ZHX2: variants seen among roughly 807,000 people sequenced by gnomAD.
ZHX2 encodes zinc fingers and homeoboxes 2.
A neutral mutation model predicts 21.9 loss-of-function variants in ZHX2; 6 were observed. The observed-to-expected ratio is 0.27, with a 90% CI of 0.15 to 0.54. ZHX2 has a LOEUF of 0.54. Among genes scored for constraint, ZHX2 ranks in the 20% least tolerant of loss-of-function variants. The pLI, the probability that ZHX2 is intolerant of heterozygous loss-of-function variation, is 0.95. For missense variants in ZHX2, 908 were observed against 1,090.7 expected (o/e 0.83, Z 2.36); for synonymous variants, 434 against 437.1 (o/e 0.99, Z 0.09).
chr8:122,916,259 T>G (rs1016948401), intron 2 of ZHX2, among the ~76,000 whole-genome samples: 2 of 152,240 alleles, frequency 1.3e-5, no homozygotes, highest in Non-Finnish European at 2.9e-5. Flanking sequence ...GGCTCATTCC[T>G]GGCTGCATCC....
At chr8:122,827,106 C>T (rs758207693) in intron 1 of ZHX2, among the ~76,000 whole-genome samples, 6 of 152,146 alleles carry the variant, frequency 3.9e-5, no homozygotes, top group Non-Finnish European at 7.3e-5. Context: ...CTGCAACCTT[C>T]GAATCCAGGC....
chr8:122,954,092 G>A, intron 3 of ZHX2, 64 bp downstream of exon 3: 1 of 1,414,282 alleles, frequency 7.1e-7, no homozygotes, highest in Non-Finnish European at 9.4e-7. Context: ...TCGTTGCCAG[G>A]GTTAATATAG....
chr8:122,944,616 G>C (rs998471054), intron 2 of ZHX2, among the ~76,000 whole-genome samples: 1 of 152,110 alleles, frequency 6.6e-6, no homozygotes, highest in African/African-American at 2.4e-5. Flanking sequence ...CCTCCATGGT[G>C]AGCTCTCCAC....
chr8:122,920,049 G>A (rs373383963), intron 2 of ZHX2, among the ~76,000 whole-genome samples: 6 of 152,150 alleles, frequency 3.9e-5, no homozygotes, highest in Non-Finnish European at 7.3e-5. Flanking sequence ...TGAGGCAGGC[G>A]GGTCATCTGA....
Position 122,786,649 on chromosome 8 carries a change from A to T in ZHX2, c.-283+4703A>T, listed in dbSNP as rs144615483. Among the ~76,000 whole-genome samples the T allele has an allele frequency of 2.0e-4, 30 of 152,272 alleles. No individual in the cohort carries two copies. The East Asian group carries it at 5.4e-3, about 27-fold the overall frequency. ...AAATTTGAGGTGCCAAGTAATTAGCATGTGTGGATTTCATCATCAATCCCA... is the reference window on the plus strand; with the variant it reads ...AAATTTGAGGTGCCAAGTAATTAGCTTGTGTGGATTTCATCATCAATCCCA... On this transcript the variant is annotated intron_variant, in intron 1 of 3. Transcript: ENST00000314393.
chr8:122,836,910 C>T (rs1818516029), intron 1 of ZHX2, among the ~76,000 whole-genome samples: 2 of 152,156 alleles, frequency 1.3e-5, no homozygotes. Flanking sequence ...TTCTAAGGCA[C>T]AGGATGAGGT....
At chr8:122,836,167 C>A (rs1357287428) in intron 1 of ZHX2, among the ~76,000 whole-genome samples, 9 of 152,188 alleles carry the variant, frequency 5.9e-5, no homozygotes, top group African/African-American at 2.2e-4. Context: ...AGGCACCCCC[C>A]TAAGGCCAGA....
At chr8:122,901,434 G>A (rs1412613707) in intron 2 of ZHX2, among the ~76,000 whole-genome samples, 1 of 152,152 alleles carries the variant, frequency 6.6e-6, no homozygotes, top group East Asian at 1.9e-4. Flanking sequence ...TCCCAAGCTG[G>A]GTTTCTAGGA....
intron 2 of ZHX2, among the ~76,000 whole-genome samples, chr8:122,910,747 G>T (rs1820459160): frequency 6.6e-6 from 1 of 151,418 alleles, no homozygotes; most frequent in African/African-American, 2.4e-5. Flanking sequence ...GGGGGTGGGG[G>T]GTGGGGGGTG....
rs547387216 is a variant in ZHX2, at chr8:122,847,648, C to T, written c.-282-15829C>T. Reference sequence around the variant, plus strand: ...GGTGGTCATCACCAGAACCCACCTTCGCACATGGGGGATGTGCTCATGATG... The same window carrying T: ...GGTGGTCATCACCAGAACCCACCTTTGCACATGGGGGATGTGCTCATGATG... On this transcript the variant is annotated intron_variant, in intron 1 of 3. Transcript: ENST00000314393. Among the ~76,000 whole-genome samples the T allele has an allele frequency of 5.9e-5, 9 of 152,364 alleles. No homozygotes were observed. In the South Asian group the frequency reaches 1.0e-3, roughly 18 times the overall value.
intron 2 of ZHX2, among the ~76,000 whole-genome samples, chr8:122,882,314 CAGAGAGAG>C (rs140529887): frequency 2.0e-5 from 3 of 148,176 alleles, no homozygotes; most frequent in Non-Finnish European, 4.5e-5. Context: ...CACACACACA[CAGAGAGAG>C]AGAGAGAGAG....
intron 1 of ZHX2, among the ~76,000 whole-genome samples, chr8:122,852,750 A>G (rs1348469872): frequency 2.0e-5 from 3 of 152,168 alleles, no homozygotes; most frequent in Non-Finnish European, 4.4e-5. Flanking sequence ...AGAGCCGAGA[A>G]TATTACAAAG....
At chr8:122,780,928 A>G (rs1351031956), upstream of ZHX2, 1 of 152,182 alleles carries the variant, frequency 6.6e-6, no homozygotes, top group Admixed American at 6.5e-5. Context: ...CCAGCCTCAG[A>G]CCTGGCGCGG....
At chr8:122,890,132 A>G (rs971864610) in intron 2 of ZHX2, among the ~76,000 whole-genome samples, 11 of 152,138 alleles carry the variant, frequency 7.2e-5, no homozygotes, top group African/African-American at 2.7e-4. Context: ...GTTGATTTTT[A>G]TATACAGTGA....
chr8:122,908,131 C>G (rs1390560444), intron 2 of ZHX2, among the ~76,000 whole-genome samples: 2 of 152,190 alleles, frequency 1.3e-5, no homozygotes, highest in African/African-American at 4.8e-5. Context: ...CAAAATCTCA[C>G]AAGGCTGTTG....
intron 2 of ZHX2, among the ~76,000 whole-genome samples, chr8:122,945,413 C>T (rs1444095189): frequency 9.4e-6 from 1 of 105,822 alleles, no homozygotes; most frequent in African/African-American, 3.9e-5. Flanking sequence ...GATCATTTCT[C>T]TTTTATATAA....
chr8:122,955,268 T>C (rs888226578), intron 3 of ZHX2, among the ~76,000 whole-genome samples: 1 of 151,946 alleles, frequency 6.6e-6, no homozygotes, highest in African/African-American at 2.4e-5. Flanking sequence ...GGAAAGCAAA[T>C]ATTACAAGGA....
At position 122,951,294 on chromosome 8, in the gene ZHX2, A is replaced by G. The variant is rs555804396; in HGVS notation, c.-217A>G. 1.8e-6 allele frequency: 1 copy of G among 555,494 alleles called. No individual in the cohort carries two copies. Among genetic ancestry groups the G allele is most frequent in the East Asian group, 3.0e-5 (1 of 33,116 alleles). 34.4% of individuals were successfully genotyped at this position (555,494 alleles called of 1,614,324 possible). ...CCTGTCTTTGTTCTTGTCCACAGAT[A>G]TGATGCTTCCTGGTGTGTTTAGTGG... is the stretch of plus-strand genomic sequence containing the variant. On this transcript the variant is annotated splice_region_variant and 5_prime_UTR_variant, in exon 3 of 4. It adds an upstream start codon to the 5' untranslated region. Transcript: ENST00000314393.
chr8:122,861,183 G>T (rs1168511403), intron 1 of ZHX2, among the ~76,000 whole-genome samples: 4 of 152,150 alleles, frequency 2.6e-5, no homozygotes. Context: ...GAGTGAGCGG[G>T]TGTCATGGAC....
Sources: gnomAD v4.1 joint callset for allele counts (sites outside exome capture counted in the v4.1 genomes callset) on GRCh38, gnomAD v4.1.1 for gene constraint, MANE v1.5 for transcripts, NCBI Gene and HGNC (gene_info 2026-07-23, HGNC 2026-07-21) for gene names.